MEGF6: variants seen among roughly 807,000 people sequenced by gnomAD.
MEGF6 encodes multiple EGF like domains 6, also known as multiple epidermal growth factor-like domains protein 6.
MEGF6 carries 184 observed loss-of-function variants against 207.1 expected under a neutral mutation model. The ratio of observed to expected loss-of-function variants is 0.89; its 90% CI spans 0.79 to 1.00. MEGF6 has a LOEUF of 1.00. Ranked by LOEUF, MEGF6 falls within the 50% of genes least tolerant of loss-of-function variation. The pLI is 0.00. For synonymous variants in MEGF6, 1,038 were observed against 910.0 expected (o/e 1.14, Z -2.53); for missense variants, 2,282 against 2,202.9 (o/e 1.04, Z -0.72).
chr1:3,494,727 G>A lies in MEGF6; in HGVS notation c.3886C>T (p.Arg1296Trp), dbSNP rs547668625. 2.1e-4 allele frequency: 330 copies of A among 1,584,090 alleles called. 1 individual carries two copies. The highest frequency in any genetic ancestry group is 1.4e-3 in the Admixed American group (82 of 57,366). ...GTGTGCTCGCAGCCCACGCCAAACC[G>A]GTTCTGGGGGCAGCCTGGAGACAGA... is the stretch of plus-strand genomic sequence containing the variant. ...VRCERGCPQN[R>W]FGVGCEHTCS... Residue 1296 changes from arginine to tryptophan, a missense_variant, in exon 31 of 37, where the codon CGG (arginine) becomes TGG (tryptophan). Physicochemically the swap from Arg to Trp is moderately radical, Grantham distance 101 (BLOSUM62 -3). Transcript: ENST00000356575.
chr1:3,572,683 TG>T (rs1224835054), intron 4 of MEGF6, among the ~76,000 whole-genome samples: 10 of 142,202 alleles, frequency 7.0e-5, no homozygotes, highest in Admixed American at 3.5e-4. Context: ...CCAGGTGTGC[TG>T]GGTCCTTCCT....
chr1:3,570,266 G>C (rs924878970), intron 4 of MEGF6, among the ~76,000 whole-genome samples: 1 of 152,220 alleles, frequency 6.6e-6, no homozygotes. Context: ...GGGCCGCCTG[G>C]GACTGAGGCC....
intron 5 of MEGF6, among the ~76,000 whole-genome samples, chr1:3,515,996 G>A (rs544878051): frequency 6.6e-6 from 1 of 152,242 alleles, no homozygotes; most frequent in African/African-American, 2.4e-5. Flanking sequence ...AGGCCAGGGT[G>A]GGGGCAGATG....
At chr1:3,587,345 G>A (rs565303020) in intron 3 of MEGF6, among the ~76,000 whole-genome samples, 8 of 152,346 alleles carry the variant, frequency 5.3e-5, no homozygotes, top group African/African-American at 9.6e-5. Context: ...CACGGAGGCC[G>A]CCAGGGCCAG....
chr1:3,493,807 A>G lies in MEGF6; in HGVS notation c.4351T>C (p.Cys1451Arg). The G allele has an allele frequency of 1.2e-6, 2 of 1,611,346 alleles. No individual in the cohort carries two copies. The highest frequency in any genetic ancestry group is 1.7e-6 in the Non-Finnish European group (2 of 1,179,290). ...GTGGCTCCTGAGCGCCCTGGTGGGC[A>G]AAGGCAGAGACCGGTGACAGGGTCA... ...PCDPVTGLCL[C>R]PPGRSGATCN... The change falls in exon 34 of 37, where the codon TGC becomes CGC. Residue 1451 changes from cysteine to arginine, a missense_variant. Coordinates refer to ENST00000356575, the MANE Select transcript of MEGF6 (RefSeq NM_001409.4).
chr1:3,490,239 C>T lies in MEGF6; in HGVS notation c.*289G>A, dbSNP rs534689439. On this transcript the variant is annotated 3_prime_UTR_variant, in exon 37 of 37. Transcript: ENST00000356575. Reference sequence around the variant, plus strand: ...CTGTCCTCAGTCCAACTCAGAGCCGCGGGGAGAGCGGGACTTCCTCAGCCC... The same window carrying T: ...CTGTCCTCAGTCCAACTCAGAGCCGTGGGGAGAGCGGGACTTCCTCAGCCC... The T allele has an allele frequency of 1.4e-5, 7 of 493,928 alleles. No homozygotes were observed. The highest frequency in any genetic ancestry group is 5.4e-5 in the South Asian group (2 of 37,378). 30.6% of individuals were successfully genotyped at this position (493,928 alleles called of 1,614,324 possible).
rs781630338 is a variant in MEGF6, at chr1:3,505,245, C to T, written c.2151G>A (p.Arg717=). The change falls in exon 17 of 37, where the codon CGG becomes CGA. Residue 717 remains arginine (R), a synonymous_variant. Coordinates refer to ENST00000356575, the MANE Select transcript of MEGF6 (RefSeq NM_001409.4). ...CDSVSGECGK[R]CPAGFQGEDC... ...CCTCTCCCTGGAAGCCAGCAGGACA[C>T]CGCTTCCCACACTCGCCGCTCACGG... is the stretch of plus-strand genomic sequence containing the variant. 6.2e-7 allele frequency: 1 copy of T among 1,612,548 alleles called. No homozygotes were observed. The highest frequency in any genetic ancestry group is 1.7e-5 in the Admixed American group (1 of 60,012).
At position 3,588,727 on chromosome 1, in the gene MEGF6, C is replaced by A. The variant is rs535063682; in HGVS notation, c.376+6611G>T. Among the ~76,000 whole-genome samples, 13 of 152,132 alleles carry A rather than the reference C, an allele frequency of 8.5e-5. No homozygotes were observed. The South Asian group carries it at 2.5e-3, about 29-fold the overall frequency. ...CAGCCTTCACAGAGGCAGGGCCGGGCCCAAGCTCTCTAGACTCAGTTCTTG... is the reference window on the plus strand; with the variant it reads ...CAGCCTTCACAGAGGCAGGGCCGGGACCAAGCTCTCTAGACTCAGTTCTTG... On this transcript the variant is annotated intron_variant, in intron 3 of 36. Transcript: ENST00000356575.
the MEGF6 span, among the ~76,000 whole-genome samples, chr1:3,619,251 C>G: frequency 6.6e-6 from 1 of 152,204 alleles, no homozygotes; most frequent in Non-Finnish European, 1.5e-5. Context: ...AACTCAGGGG[C>G]TCCCCTCCCG....
At chr1:3,530,990 T>C in intron 4 of MEGF6, 1 of 1,386,070 alleles carries the variant, frequency 7.2e-7, no homozygotes. Flanking sequence ...GGCAGCGCCC[T>C]GGCGCAAACT....
chr1:3,517,588 TG>T (rs1298071818), intron 5 of MEGF6, among the ~76,000 whole-genome samples: 5 of 152,206 alleles, frequency 3.3e-5, no homozygotes, highest in African/African-American at 1.2e-4. Flanking sequence ...CACCCCTGCG[TG>T]GCCAGTGCCC....
chr1:3,523,932 T>C (rs976324595), intron 5 of MEGF6, among the ~76,000 whole-genome samples, 192 bp downstream of exon 5: 1 of 152,218 alleles, frequency 6.6e-6, no homozygotes, highest in Non-Finnish European at 1.5e-5. Context: ...TCAGTCCTTT[T>C]ACCGGCCTGA....
At chr1:3,509,647 C>A (rs566308442) in intron 11 of MEGF6, among the ~76,000 whole-genome samples, 60 of 152,310 alleles carry the variant, frequency 3.9e-4, no homozygotes, top group African/African-American at 1.4e-3. Flanking sequence ...CAGCTTCCCC[C>A]ACCCCACTGT....
rs187626109 is a variant in MEGF6, at chr1:3,571,696, G to A, written c.481+8129C>T. The stretch of plus-strand genomic sequence containing the variant: ...CTGCATATGCTGGTTCCTTCCTGGC[G>A]TGCTGGGTTCTCCTGGGTGTGCTGG... On this transcript the variant is annotated intron_variant, in intron 4 of 36. Transcript: ENST00000356575. Among the ~76,000 whole-genome samples, 671 of 148,278 alleles carry A rather than the reference G, an allele frequency of 4.5e-3. 7 individuals are homozygous for A. The highest frequency in any genetic ancestry group is 0.016 in the African/African-American group (613 of 39,364).
At chr1:3,562,811 G>A (rs969850244) in intron 4 of MEGF6, among the ~76,000 whole-genome samples, 9 of 152,120 alleles carry the variant, frequency 5.9e-5, no homozygotes, top group Non-Finnish European at 7.4e-5. Flanking sequence ...AGACCGCCCC[G>A]TCCAGCACTC....
intron 4 of MEGF6, among the ~76,000 whole-genome samples, chr1:3,547,300 A>G (rs1477474949): frequency 6.6e-6 from 1 of 152,148 alleles, no homozygotes; most frequent in Non-Finnish European, 1.5e-5. Flanking sequence ...GCAGCAGGGG[A>G]GCCGCACTGC....
intron 4 of MEGF6, 135 bp downstream of exon 4, chr1:3,579,690 C>G (rs1004174855): frequency 5.3e-6 from 3 of 570,464 alleles, no homozygotes; most frequent in African/African-American, 2.4e-5. Context: ...GCGGAATGTC[C>G]TCAGAAGAAT....
chr1:3,516,995 C>T (rs762814737), intron 5 of MEGF6, among the ~76,000 whole-genome samples: 3 of 152,224 alleles, frequency 2.0e-5, no homozygotes, highest in Non-Finnish European at 2.9e-5. Context: ...GGGAGCTGTC[C>T]TGGCCCCCAG....
At position 3,509,852 on chromosome 1, in the gene MEGF6, G is replaced by A. The variant is rs770315416; in HGVS notation, c.1357+18C>T. 148 of 1,541,220 alleles carry A rather than the reference G, an allele frequency of 9.6e-5. No individual in the cohort carries two copies. Among genetic ancestry groups the A allele is most frequent in the Non-Finnish European group, 2.4e-5 (27 of 1,143,412 alleles). On this transcript the variant is annotated intron_variant, in intron 11 of 36. Transcript: ENST00000356575. ...GAGAAGGCAGAGGCCGGTGCTCCGC[G>A]GAGGGCGGGAGACTCACGGCTGCAG... is the stretch of plus-strand genomic sequence containing the variant.
Sources: gnomAD v4.1 joint callset for allele counts (sites outside exome capture counted in the v4.1 genomes callset) on GRCh38, gnomAD v4.1.1 for gene constraint, MANE v1.5 for transcripts, NCBI Gene and HGNC (gene_info 2026-07-23, HGNC 2026-07-21) for gene names.